The following NLRP8 variants were observed in gnomAD, a reference collection of about 807,000 sequenced individuals.
The protein encoded by NLRP8 is NLR family pyrin domain containing 8.
A neutral mutation model predicts 88.7 loss-of-function variants in NLRP8; 86 were observed. The ratio of observed to expected loss-of-function variants is 0.97; its 90% CI spans 0.81 to 1.16. The LOEUF (loss-of-function observed/expected upper bound fraction) is 1.16. Among genes scored for constraint, NLRP8 ranks in the 50% most tolerant of loss-of-function variants. NLRP8 has a pLI of 0.00. For missense variants in NLRP8, 1,342 were observed against 1,286.5 expected (o/e 1.04, Z -0.66); for synonymous variants, 504 against 494.6 (o/e 1.02, Z -0.25).
chr19:55,987,180 C>G (rs190291402), intron 9 of NLRP8, among the ~76,000 whole-genome samples: 1 of 152,162 alleles, frequency 6.6e-6, no homozygotes, highest in East Asian at 1.9e-4. Context: ...ACCAGCCTGG[C>G]CAACATGGTG....
chr19:55,975,989 C>T (rs1354644858), intron 7 of NLRP8, 144 bp from the exon 8 acceptor site: 3 of 822,866 alleles, frequency 3.6e-6, no homozygotes, highest in Non-Finnish European at 5.3e-6. Context: ...TATGCAAAAA[C>T]AAAAAACAAA....
rs562393097 is a variant in NLRP8, at chr19:55,954,891, C to T, written c.833C>T (p.Pro278Leu). The T allele has an allele frequency of 6.2e-7, 1 of 1,614,128 alleles. No homozygotes were observed. Among genetic ancestry groups the T allele is most frequent in the South Asian group, 1.1e-5 (1 of 91,080 alleles). ...CTCGTGTCAAAGATTATGTCCAAAC[C>T]CGACCAACTTCTGCTGCTCTTGGAT... The change falls in exon 3 of 10, where the codon CCC becomes CTC. Residue 278 changes from proline (P) to leucine (L), a missense_variant. Physicochemically the swap from Pro to Leu is moderately conservative, Grantham distance 98. Coordinates refer to ENST00000291971, the MANE Select transcript of NLRP8 (RefSeq NM_176811.2).
At chr19:55,983,818 C>A (rs1980679691) in intron 9 of NLRP8, among the ~76,000 whole-genome samples, 4 of 84,660 alleles carry the variant, frequency 4.7e-5, no homozygotes, top group African/African-American at 4.5e-5. Context: ...CTAGTAGATG[C>A]AAAAAAAAAA....
At chr19:55,948,438 T>A (rs28435414) in intron 1 of NLRP8, among the ~76,000 whole-genome samples, 169 bp downstream of exon 1, 11 of 152,094 alleles carry the variant, frequency 7.2e-5, no homozygotes, top group South Asian at 2.1e-4. Context: ...GGCATTTTTT[T>A]AATTTTATTT....
intron 9 of NLRP8, among the ~76,000 whole-genome samples, chr19:55,984,260 G>A (rs1402772980): frequency 5.3e-5 from 8 of 151,936 alleles, no homozygotes; most frequent in Admixed American, 2.0e-4. Flanking sequence ...ACAACAACTC[G>A]ATATATGAAA....
At chr19:55,975,694 C>T (rs1369227194) in intron 7 of NLRP8, among the ~76,000 whole-genome samples, 3 of 151,784 alleles carry the variant, frequency 2.0e-5, no homozygotes, top group African/African-American at 7.3e-5. Context: ...TCACATATTA[C>T]ATGATTCCAT....
At chr19:55,964,789 C>T (rs542420121) in intron 4 of NLRP8, among the ~76,000 whole-genome samples, 1 of 148,550 alleles carries the variant, frequency 6.7e-6, no homozygotes, top group East Asian at 1.9e-4. Flanking sequence ...AGTTAGCCAC[C>T]TCCGTTGTGG....
intron 9 of NLRP8, among the ~76,000 whole-genome samples, chr19:55,987,607 G>A (rs1980909592): frequency 1.3e-5 from 2 of 152,174 alleles, no homozygotes; most frequent in Admixed American, 1.3e-4. Flanking sequence ...GGGGTAGAAA[G>A]CAGCAAATCA....
chr19:55,955,647 T>C lies in NLRP8; in HGVS notation c.1589T>C (p.Phe530Ser), dbSNP rs774286466. The change falls in exon 3 of 10, where the codon TTT becomes TCT. Residue 530 changes from phenylalanine (F) to serine (S), a missense_variant. Physicochemically the swap from Phe to Ser is radical, Grantham distance 155. Transcript: ENST00000291971. Reference sequence around the variant, plus strand: ...TGTTTCCCACAAAGACTCAAAAATTTTCATGTGTTGAGCCACGTGAATATC... The same window carrying C: ...TGTTTCCCACAAAGACTCAAAAATTCTCATGTGTTGAGCCACGTGAATATC... 1.9e-6 allele frequency: 3 copies of C among 1,614,226 alleles called. No homozygotes were observed. The South Asian group carries it at 3.3e-5, about 18-fold the overall frequency.
At chr19:55,969,763 A>T (rs1979993326) in intron 5 of NLRP8, among the ~76,000 whole-genome samples, 1 of 152,126 alleles carries the variant, frequency 6.6e-6, no homozygotes, top group Non-Finnish European at 1.5e-5. Context: ...GCTCCTTTAC[A>T]TCCAACAGAG....
intron 6 of NLRP8, among the ~76,000 whole-genome samples, chr19:55,972,107 T>G (rs564560569): frequency 7.3e-6 from 1 of 137,034 alleles, no homozygotes; most frequent in African/African-American, 2.8e-5. Flanking sequence ...TTATTTTCTA[T>G]GTTTTAATTT....
intron 3 of NLRP8, among the ~76,000 whole-genome samples, chr19:55,957,700 T>G (rs201139735): frequency 3.1e-5 from 1 of 32,246 alleles, no homozygotes; most frequent in Non-Finnish European, 7.7e-5. Flanking sequence ...TATATATATA[T>G]ATATATATAT....
rs749710577 is a variant in NLRP8, at chr19:55,955,514, G to A, written c.1456G>A (p.Ala486Thr). The A allele has an allele frequency of 7.4e-6, 12 of 1,614,054 alleles. No individual in the cohort carries two copies. Among genetic ancestry groups the A allele is most frequent in the African/African-American group, 2.7e-5 (2 of 74,918 alleles). ...CAAGCTGGATCAGACGGGAGTCACC[G>A]CCTTCCTTGGCATGAGTATTCTTCG... The change falls in exon 3 of 10, where the codon GCC (alanine) becomes ACC (threonine). Residue 486 changes from alanine to threonine, a missense_variant. Coordinates refer to ENST00000291971, the MANE Select transcript of NLRP8 (RefSeq NM_176811.2).
chr19:55,973,619 C>A, intron 6 of NLRP8, 33 bp from the exon 7 acceptor site: 1 of 1,552,766 alleles, frequency 6.4e-7, no homozygotes, highest in Non-Finnish European at 8.7e-7. Flanking sequence ...AGACCCCTCT[C>A]CATTCAGTCA....
At chr19:55,961,714 C>T (rs1416449486) in intron 3 of NLRP8, among the ~76,000 whole-genome samples, 2 of 152,128 alleles carry the variant, frequency 1.3e-5, no homozygotes, top group African/African-American at 4.8e-5. Flanking sequence ...AAGTGGATTG[C>T]CTGAGCCTGG....
chr19:55,963,266 G>A (rs923945176), intron 4 of NLRP8, among the ~76,000 whole-genome samples: 2 of 152,058 alleles, frequency 1.3e-5, no homozygotes, highest in African/African-American at 2.4e-5. Context: ...TGCCCTCCTC[G>A]GCCTCCCAAG....
intron 3 of NLRP8, among the ~76,000 whole-genome samples, chr19:55,958,572 G>A (rs1979474168): frequency 6.6e-6 from 1 of 152,094 alleles, no homozygotes; most frequent in Non-Finnish European, 1.5e-5. Flanking sequence ...GTGACATATT[G>A]TCTGTGACTG....
At chr19:55,980,951 G>T (rs571553250) in intron 9 of NLRP8, among the ~76,000 whole-genome samples, 108 bp from the exon 10 acceptor site, 5 of 152,186 alleles carry the variant, frequency 3.3e-5, no homozygotes, top group African/African-American at 7.2e-5. Flanking sequence ...GGGCCATGGT[G>T]GTCTCCTAGG....
Position 55,970,646 on chromosome 19 carries a change from G to A in NLRP8, c.2484G>A (p.Leu828=). 7 of 1,614,082 alleles carry A rather than the reference G, an allele frequency of 4.3e-6. No individual in the cohort carries two copies. The highest frequency in any genetic ancestry group is 5.9e-6 in the Non-Finnish European group (7 of 1,180,016). ...CTCTCATACTAAGAAAAAACTCCCTGGAGAACTGTGGGGCGTATTACCTGT... is the reference window on the plus strand; with the variant it reads ...CTCTCATACTAAGAAAAAACTCCCTAGAGAACTGTGGGGCGTATTACCTGT... Residue 828 remains leucine (L), a synonymous_variant, in exon 6 of 10, where the codon CTG becomes CTA. Coordinates refer to ENST00000291971, the MANE Select transcript of NLRP8 (RefSeq NM_176811.2).
Sources: allele counts gnomAD v4.1 joint callset (sites outside exome capture counted in the v4.1 genomes callset), GRCh38; gene constraint gnomAD v4.1.1; transcripts MANE v1.5; gene names NCBI Gene and HGNC (gene_info 2026-07-23, HGNC 2026-07-21).